GRIN2A: variants seen among roughly 807,000 people sequenced by gnomAD.
The protein encoded by GRIN2A is glutamate ionotropic receptor NMDA type subunit 2A.
A neutral mutation model predicts 113.4 loss-of-function variants in GRIN2A; 22 were observed. The ratio of observed to expected loss-of-function variants is 0.19; its 90% CI spans 0.14 to 0.28. GRIN2A has a LOEUF of 0.28. Ranked by LOEUF, GRIN2A falls within the 10% of genes least tolerant of loss-of-function variation. The pLI, the probability that GRIN2A is intolerant of heterozygous loss-of-function variation, is 1.00. For synonymous variants in GRIN2A, 827 were observed against 738.4 expected, an observed-to-expected ratio of 1.12 and a Z score of -1.94; for missense variants, 1,502 against 1,887.0, an observed-to-expected ratio of 0.80 and a Z score of 3.78.
At chr16:10,002,926 A>G (rs1354028377) in intron 2 of GRIN2A, among the ~76,000 whole-genome samples, 1 of 152,192 alleles carries the variant, frequency 6.6e-6, no homozygotes, top group Admixed American at 6.5e-5. Context: ...CCTACTGGAA[A>G]CCATAAGGCC....
chr16:9,775,907 A>G (rs1901570966), intron 11 of GRIN2A, among the ~76,000 whole-genome samples: 1 of 152,176 alleles, frequency 6.6e-6, no homozygotes, highest in Non-Finnish European at 1.5e-5. Context: ...AAATGTGTAC[A>G]ATGGTGCTAC....
rs564709676 is a variant in GRIN2A at position 10,153,750 on chromosome 16, C to A, written c.414+26248G>T. ...AGAATTTTCCACTCTTACAAATGAACACTCACCTCATCTAGACCTGCCACT... is the reference window on the plus strand; with the variant it reads ...AGAATTTTCCACTCTTACAAATGAAAACTCACCTCATCTAGACCTGCCACT... On this transcript the variant is annotated intron_variant, in intron 2 of 12. Transcript: ENST00000330684. 3.6e-4 allele frequency among the ~76,000 whole-genome samples: 55 copies of A among 152,264 alleles called. 1 individual carries two copies. In the South Asian group the frequency reaches 0.011, roughly 32 times the overall value.
At chr16:10,053,005 G>A (rs561226916) in intron 2 of GRIN2A, among the ~76,000 whole-genome samples, 2 of 147,972 alleles carry the variant, frequency 1.4e-5, no homozygotes, top group East Asian at 2.0e-4. Context: ...CAGAGATCAC[G>A]CCATTGCACT....
At position 9,912,478 on chromosome 16, in the gene GRIN2A, A is replaced by G. The variant is rs570590445; in HGVS notation, c.1008-21378T>C. Among the ~76,000 whole-genome samples, 6 of 130,878 alleles carry G rather than the reference A, an allele frequency of 4.6e-5. 1 individual carries two copies. Among genetic ancestry groups the G allele is most frequent in the Middle Eastern group, 8.6e-3 (2 of 232 alleles). 85.9% of individuals were successfully genotyped at this position (130,878 alleles called of 152,430 possible). On this transcript the variant is annotated intron_variant, in intron 3 of 12. Coordinates refer to ENST00000330684, the MANE Select transcript of GRIN2A (RefSeq NM_001134407.3). Reference sequence around the variant, plus strand: ...GCTGCAAAAGGAATAATGAAAAGATAAAGCACTCTTCTTAAAATTCAGAGT... The same window carrying G: ...GCTGCAAAAGGAATAATGAAAAGATGAAGCACTCTTCTTAAAATTCAGAGT...
At chr16:9,888,293 G>A (rs2141474964) in intron 4 of GRIN2A, among the ~76,000 whole-genome samples, 1 of 152,292 alleles carries the variant, frequency 6.6e-6, no homozygotes, top group Admixed American at 6.5e-5. Flanking sequence ...TTTTAATTTT[G>A]ATGAAGTACA....
At chr16:9,886,033 C>T (rs530813105) in intron 4 of GRIN2A, among the ~76,000 whole-genome samples, 2 of 152,308 alleles carry the variant, frequency 1.3e-5, no homozygotes, top group African/African-American at 4.8e-5. Context: ...ACTGCAGTGG[C>T]CTCCTTGTGT....
chr16:9,877,080 A>C (rs1046704779), intron 4 of GRIN2A, among the ~76,000 whole-genome samples: 1 of 152,182 alleles, frequency 6.6e-6, no homozygotes, highest in African/African-American at 2.4e-5. Context: ...ACAAGCACTA[A>C]ACTTGGAGAC....
intron 2 of GRIN2A, among the ~76,000 whole-genome samples, chr16:10,029,926 G>A (rs1043134335): frequency 1.3e-5 from 2 of 152,110 alleles, no homozygotes; most frequent in African/African-American, 4.8e-5. Context: ...GAACCCGGGA[G>A]GCAGAGGTTG....
chr16:9,924,795 C>T (rs907909386), intron 3 of GRIN2A, among the ~76,000 whole-genome samples: 1 of 152,154 alleles, frequency 6.6e-6, no homozygotes, highest in Non-Finnish European at 1.5e-5. Context: ...AATGTCAAAC[C>T]TGCCATTAAT....
At chr16:9,995,371 A>G (rs1442901568) in intron 2 of GRIN2A, among the ~76,000 whole-genome samples, 1 of 152,204 alleles carries the variant, frequency 6.6e-6, no homozygotes, top group African/African-American at 2.4e-5. Flanking sequence ...GAGGGGATAG[A>G]TGACGAATTA....
At chr16:9,927,439 T>C (rs1049364164) in intron 3 of GRIN2A, among the ~76,000 whole-genome samples, 1 of 152,036 alleles carries the variant, frequency 6.6e-6, no homozygotes. Flanking sequence ...GGAAGTCAGT[T>C]AGAGAAAAAA....
intron 2 of GRIN2A, among the ~76,000 whole-genome samples, chr16:10,168,975 C>T (rs867118696): frequency 3.5e-5 from 5 of 141,542 alleles, no homozygotes; most frequent in South Asian, 2.3e-4. Flanking sequence ...CAAATAATAA[C>T]AATAATAATA....
At chr16:9,769,697 AT>A (rs1353855532) in intron 11 of GRIN2A, among the ~76,000 whole-genome samples, 6 of 152,076 alleles carry the variant, frequency 3.9e-5, no homozygotes, top group African/African-American at 1.4e-4. Context: ...CGCCATGAGG[AT>A]TGAATGAGAT....
At chr16:10,115,340 A>G (rs150081948) in intron 2 of GRIN2A, among the ~76,000 whole-genome samples, 76 of 152,270 alleles carry the variant, frequency 5.0e-4, no homozygotes, top group African/African-American at 1.7e-3. Context: ...TACTTGCTAT[A>G]CCATCAACAT....
intron 11 of GRIN2A, among the ~76,000 whole-genome samples, chr16:9,777,680 C>T (rs1901685549): frequency 6.6e-6 from 1 of 152,192 alleles, no homozygotes; most frequent in Non-Finnish European, 1.5e-5. Flanking sequence ...TGCTACTTGT[C>T]ACATTGCAGG....
intron 2 of GRIN2A, among the ~76,000 whole-genome samples, chr16:10,040,576 A>G (rs1403397469): frequency 6.6e-6 from 1 of 150,384 alleles, no homozygotes; most frequent in Non-Finnish European, 1.5e-5. Context: ...ACATATTCAC[A>G]CACACACACA....
intron 2 of GRIN2A, among the ~76,000 whole-genome samples, chr16:9,945,950 C>A (rs1026223226): frequency 6.6e-6 from 1 of 152,114 alleles, no homozygotes; most frequent in Non-Finnish European, 1.5e-5. Flanking sequence ...CACCCAGAGC[C>A]AAGTTTCCCA....
intron 2 of GRIN2A, among the ~76,000 whole-genome samples, chr16:10,039,856 CAGAGG>C (rs2047118532): frequency 7.3e-6 from 1 of 136,696 alleles, no homozygotes; most frequent in Non-Finnish European, 1.6e-5. Context: ...CCACACCGCT[CAGAGG>C]AGGGGTGCGG....
rs1900260645 is a variant in GRIN2A at position 9,753,858 on chromosome 16, A to T, written c.*9291T>A. 1 of 178,780 alleles carries T rather than the reference A, an allele frequency of 5.6e-6. No homozygotes were observed. Among genetic ancestry groups the T allele is most frequent in the African/African-American group, 2.4e-5 (1 of 42,300 alleles). The allele number at this position is 178,780 out of a possible 1,614,324, so 11.1% of individuals were successfully genotyped here. ...AAGTCAGTTCTGATGTGGGTTTTGG[A>T]TTCTGTTTGAATGTAGCTGTGAATA... On this transcript the variant is annotated 3_prime_UTR_variant, in exon 13 of 13. Coordinates refer to ENST00000330684, the MANE Select transcript of GRIN2A (RefSeq NM_001134407.3).
Sources: gnomAD v4.1 joint callset for allele counts (sites outside exome capture counted in the v4.1 genomes callset) on GRCh38, gnomAD v4.1.1 for gene constraint, MANE v1.5 for transcripts, NCBI Gene and HGNC (gene_info 2026-07-23, HGNC 2026-07-21) for gene names.